Variants in KLRG1 observed in about 807,000 individuals in gnomAD.
KLRG1 encodes killer cell lectin like receptor G1, also known as killer cell lectin-like receptor subfamily G member 1.
KLRG1 carries 16 observed loss-of-function variants against 21.8 expected under a neutral mutation model. The ratio of observed to expected loss-of-function variants is 0.73; its 90% CI spans 0.50 to 1.11. The LOEUF (loss-of-function observed/expected upper bound fraction) is 1.11. KLRG1 is among the 50% of genes most tolerant of loss of function. The probability of loss-of-function intolerance (pLI) is 0.00; values close to 1 mark genes in which losing one functional copy is unlikely to be tolerated. For synonymous variants in KLRG1, 69 were observed against 75.9 expected (o/e 0.91, Z 0.47); for missense variants, 173 against 218.3 (o/e 0.79, Z 1.31).
the KLRG1 span, among the ~76,000 whole-genome samples, chr12:9,087,968 AGG>A: frequency 2.6e-5 from 4 of 152,162 alleles, no homozygotes; most frequent in Non-Finnish European, 4.4e-5. Context: ...AAACCAATAT[AGG>A]AAGACTAAAA....
intron 1 of KLRG1, among the ~76,000 whole-genome samples, chr12:8,977,165 T>A (rs1946669933): frequency 1.3e-5 from 2 of 152,006 alleles, no homozygotes. Flanking sequence ...TGTTCTTAAG[T>A]CTAAAGTGAG....
the KLRG1 span, among the ~76,000 whole-genome samples, chr12:9,119,270 A>C: frequency 6.6e-6 from 1 of 152,368 alleles, no homozygotes; most frequent in South Asian, 2.1e-4. Context: ...TACTTGGATT[A>C]ATGACTTAAA....
At chr12:9,158,957 TTTAACTC>T in the KLRG1 span, among the ~76,000 whole-genome samples, 3 of 152,164 alleles carry the variant, frequency 2.0e-5, no homozygotes, top group African/African-American at 7.2e-5. Flanking sequence ...TTTCTGTAGT[TTTAACTC>T]TAATCAGCTA....
At chr12:9,176,849 A>C in the KLRG1 span, among the ~76,000 whole-genome samples, 1 of 152,208 alleles carries the variant, frequency 6.6e-6, no homozygotes, top group African/African-American at 2.4e-5. Flanking sequence ...ACTTGAGTAC[A>C]CTTTAGTTCA....
intron 1 of KLRG1, chr12:8,970,572 G>A (rs911505314): frequency 1.3e-5 from 2 of 151,522 alleles, no homozygotes; most frequent in African/African-American, 2.4e-5. Flanking sequence ...TTTACTTTTC[G>A]GCTTCACTGG....
At chr12:9,002,328 A>G (rs1181935375) in intron 3 of KLRG1, among the ~76,000 whole-genome samples, 2 of 152,198 alleles carry the variant, frequency 1.3e-5, no homozygotes, top group Non-Finnish European at 2.9e-5. Context: ...TAAAAATACT[A>G]CATACAGAAG....
chr12:8,995,314 A>G, intron 3 of KLRG1, 26 bp downstream of exon 3: 1 of 1,586,064 alleles, frequency 6.3e-7, no homozygotes, highest in Non-Finnish European at 8.5e-7. Context: ...TAGAAAATGT[A>G]GGGTTTTTGT....
At position 8,978,713 on chromosome 12, in the gene KLRG1, CTTCT is replaced by C. The variant is rs1267761184; in HGVS notation, c.-155-13478_-155-13475del. On this transcript the variant is annotated intron_variant, in intron 1 of 4. Coordinates refer to the KLRG1 transcript ENST00000539240. ...CTTTTTCTTTCTTTTCTCTCTCTCT[CTTCT>C]TTCTTTCTTTCTTTTTTTTTGGAGT... Among the ~76,000 whole-genome samples the C allele has an allele frequency of 1.8e-4, 24 of 132,206 alleles. 1 individual carries two copies. The East Asian group carries it at 3.8e-3, about 21-fold the overall frequency. The allele number at this position is 132,206 out of a possible 152,430, so 86.7% of individuals were successfully genotyped here.
At chr12:8,971,868 A>G (rs980134565) in intron 1 of KLRG1, among the ~76,000 whole-genome samples, 1 of 152,164 alleles carries the variant, frequency 6.6e-6, no homozygotes, top group Non-Finnish European at 1.5e-5. Context: ...AAAAAGAAAA[A>G]AGTTTTGTAT....
At chr12:9,161,109 AT>A in the KLRG1 span, 1 of 1,574,990 alleles carries the variant, frequency 6.3e-7, no homozygotes, top group Non-Finnish European at 8.7e-7. Flanking sequence ...GCTCAGACAC[AT>A]TAGCACCTTT....
At chr12:9,011,104 A>T (rs1334626783), downstream of KLRG1, among the ~76,000 whole-genome samples, 1 of 152,198 alleles carries the variant, frequency 6.6e-6, no homozygotes, top group East Asian at 1.9e-4. Context: ...ATTGAAAGAT[A>T]AGAAAAGGAG....
the KLRG1 span, chr12:9,182,037 G>C: frequency 6.2e-7 from 1 of 1,613,662 alleles, no homozygotes; most frequent in Non-Finnish European, 8.5e-7. Context: ...TCTCCATCTG[G>C]TAAAATGGCA....
the KLRG1 span, chr12:9,106,732 CAATA>C: frequency 2.3e-6 from 1 of 441,606 alleles, no homozygotes; most frequent in Non-Finnish European, 3.8e-6. Flanking sequence ...GACGAGGACA[CAATA>C]AATATTCTCT....
At chr12:9,165,951 A>G in the KLRG1 span, 1 of 1,398,280 alleles carries the variant, frequency 7.2e-7, no homozygotes, top group Non-Finnish European at 9.7e-7. Flanking sequence ...AGGTTAAGAT[A>G]ATTATTCAGA....
At chr12:9,042,306 C>T in the KLRG1 span, among the ~76,000 whole-genome samples, 2 of 152,192 alleles carry the variant, frequency 1.3e-5, no homozygotes, top group Non-Finnish European at 2.9e-5. Flanking sequence ...TGTTTCTCAT[C>T]TCCATTCTCT....
the KLRG1 span, among the ~76,000 whole-genome samples, chr12:9,096,237 C>G: frequency 6.6e-6 from 1 of 152,160 alleles, no homozygotes; most frequent in Non-Finnish European, 1.5e-5. Context: ...CATCTAAGTA[C>G]TCATCTAAGT....
chr12:9,033,108 C>G, the KLRG1 span, among the ~76,000 whole-genome samples: 4 of 152,146 alleles, frequency 2.6e-5, no homozygotes, highest in Non-Finnish European at 4.4e-5. Context: ...TACATGATTG[C>G]AGAGACAAAT....
chr12:8,962,210 T>C (rs11048285), intron 1 of KLRG1, among the ~76,000 whole-genome samples: 2,501 of 152,236 alleles, frequency 0.016, 82 homozygotes, highest in African/African-American at 0.058. Context: ...TCAGGTTTTA[T>C]AAATACACTC....
the KLRG1 span, among the ~76,000 whole-genome samples, chr12:9,060,371 G>C: frequency 2.0e-5 from 3 of 152,264 alleles, no homozygotes; most frequent in African/African-American, 7.2e-5. Flanking sequence ...TGTGTCCTTA[G>C]TGGTCTTTCA....
Sources: gnomAD v4.1 joint callset for allele counts (sites outside exome capture counted in the v4.1 genomes callset) on GRCh38, gnomAD v4.1.1 for gene constraint, MANE v1.5 for transcripts, NCBI Gene and HGNC (gene_info 2026-07-23, HGNC 2026-07-21) for gene names.